Variants in RETREG1 observed in about 807,000 individuals in gnomAD.
RETREG1 encodes family with sequence similarity 134 member B.
RETREG1 carries 44 observed loss-of-function variants against 54.8 expected under a neutral mutation model. The observed-to-expected ratio is 0.80, with a 90% confidence interval of 0.63 to 1.03. The LOEUF (loss-of-function observed/expected upper bound fraction) is 1.03. Ranked by LOEUF, RETREG1 falls within the 50% of genes least tolerant of loss-of-function variation. The probability of loss-of-function intolerance (pLI) is 0.00; values close to 1 mark genes in which losing one functional copy is unlikely to be tolerated. For missense variants in RETREG1, 554 were observed against 605.1 expected, an observed-to-expected ratio of 0.92 and a Z score of 0.89; for synonymous variants, 217 against 238.5, an observed-to-expected ratio of 0.91 and a Z score of 0.83.
rs977247648 is a variant in RETREG1 at position 16,561,224 on chromosome 5, G to A, written c.458+4539C>T. Reference sequence around the variant, plus strand: ...CTATAAACGGTACTTCCCGCCGGGCGCAGTGGCTCACACCTGTAATCCCAG... The same window carrying A: ...CTATAAACGGTACTTCCCGCCGGGCACAGTGGCTCACACCTGTAATCCCAG... On this transcript the variant is annotated intron_variant, in intron 3 of 8. Transcript: ENST00000306320. The surrounding 1 kb of genome is among the most constrained non-coding windows in gnomAD (Gnocchi z 4.2). 1.4e-4 allele frequency among the ~76,000 whole-genome samples: 21 copies of A among 152,124 alleles called. 1 individual carries two copies. Among genetic ancestry groups the A allele is most frequent in the South Asian group, 4.1e-4 (2 of 4,830 alleles).
At chr5:16,488,637 T>G (rs114027457) in intron 3 of RETREG1, among the ~76,000 whole-genome samples, 7,314 of 152,182 alleles carry the variant, frequency 0.048, 207 homozygotes, top group Non-Finnish European at 0.06. Flanking sequence ...GAAGGAACAG[T>G]GTCTTTGGCC....
At chr5:16,583,943 A>G (rs1308366772) in intron 1 of RETREG1, among the ~76,000 whole-genome samples, 7 of 152,248 alleles carry the variant, frequency 4.6e-5, no homozygotes, top group African/African-American at 1.7e-4. Context: ...TTTTACTGAA[A>G]TATACATAAC....
intron 1 of RETREG1, among the ~76,000 whole-genome samples, chr5:16,579,921 G>C (rs2126319943): frequency 6.6e-6 from 1 of 152,298 alleles, no homozygotes. Context: ...ACATCCACGT[G>C]CAGGATTTTG....
intron 1 of RETREG1, among the ~76,000 whole-genome samples, chr5:16,613,488 G>A (rs1328795074): frequency 6.6e-6 from 1 of 152,118 alleles, no homozygotes; most frequent in African/African-American, 2.4e-5. Flanking sequence ...CTTAATTCAT[G>A]CAACTTTTAG....
At chr5:16,556,437 G>C (rs1741710984) in intron 3 of RETREG1, among the ~76,000 whole-genome samples, 1 of 152,086 alleles carries the variant, frequency 6.6e-6, no homozygotes, top group South Asian at 2.1e-4. Context: ...TGGAATTACA[G>C]GCGTGAGCTA....
chr5:16,513,145 G>C (rs1016950711), intron 3 of RETREG1, among the ~76,000 whole-genome samples: 2 of 152,162 alleles, frequency 1.3e-5, no homozygotes, highest in African/African-American at 4.8e-5. Context: ...GTCTGACTGG[G>C]TCAAATTAGA....
At chr5:16,584,527 G>C (rs565851553) in intron 1 of RETREG1, among the ~76,000 whole-genome samples, 1 of 152,050 alleles carries the variant, frequency 6.6e-6, no homozygotes, top group Admixed American at 6.6e-5. Flanking sequence ...AAAGGGTCTC[G>C]TAAGGCATAA....
At chr5:16,548,288 A>T (rs915033275) in intron 3 of RETREG1, among the ~76,000 whole-genome samples, 2 of 152,122 alleles carry the variant, frequency 1.3e-5, no homozygotes, top group African/African-American at 4.8e-5. Context: ...CCTCCTGGTT[A>T]TCAGCAGGTG....
intron 2 of RETREG1, among the ~76,000 whole-genome samples, chr5:16,569,384 G>A (rs78924909): frequency 6.6e-6 from 1 of 151,106 alleles, no homozygotes; most frequent in Non-Finnish European, 1.5e-5. Context: ...CTTGGACAAC[G>A]GCCTGATCTA....
chr5:16,532,124 T>G (rs1740935103), intron 3 of RETREG1, among the ~76,000 whole-genome samples: 2 of 152,226 alleles, frequency 1.3e-5, no homozygotes, highest in South Asian at 2.1e-4. Context: ...CCCAATGACA[T>G]CACATCTTAG....
intron 1 of RETREG1, among the ~76,000 whole-genome samples, chr5:16,600,158 G>C (rs904705043): frequency 6.6e-6 from 1 of 152,150 alleles, no homozygotes; most frequent in Non-Finnish European, 1.5e-5. Flanking sequence ...AGACCACCAA[G>C]CCCGGCTAAT....
At chr5:16,610,473 C>G (rs1743310588) in intron 1 of RETREG1, among the ~76,000 whole-genome samples, 1 of 152,178 alleles carries the variant, frequency 6.6e-6, no homozygotes, top group Non-Finnish European at 1.5e-5. Context: ...AACAGGCAAC[C>G]TACAGAATGG....
chr5:16,545,599 C>T (rs1426927538), intron 3 of RETREG1, among the ~76,000 whole-genome samples: 1 of 152,156 alleles, frequency 6.6e-6, no homozygotes, highest in East Asian at 1.9e-4. Flanking sequence ...GCAGCAGCAT[C>T]CACTATCCTC....
rs112990600 is a variant in RETREG1 at position 16,527,498 on chromosome 5, G to T, written c.458+38265C>A. Among the ~76,000 whole-genome samples the T allele has an allele frequency of 6.0e-3, 907 of 152,294 alleles. 13 individuals are homozygous for T. The highest frequency in any genetic ancestry group is 0.021 in the African/African-American group (860 of 41,560). ...GAATTTAGAAGTTCTGGGGAAGGAAGAATGGCTGAAATGGCATTAATGCTA... is the reference window on the plus strand; with the variant it reads ...GAATTTAGAAGTTCTGGGGAAGGAATAATGGCTGAAATGGCATTAATGCTA... On this transcript the variant is annotated intron_variant, in intron 3 of 8. Coordinates refer to ENST00000306320, the MANE Select transcript of RETREG1 (RefSeq NM_001034850.3).
At chr5:16,557,162 G>T (rs1741732939) in intron 3 of RETREG1, among the ~76,000 whole-genome samples, 1 of 152,168 alleles carries the variant, frequency 6.6e-6, no homozygotes, top group African/African-American at 2.4e-5. Context: ...TATATCCGTT[G>T]CTGTCCTGAA....
chr5:16,518,607 T>G (rs1740435815), intron 3 of RETREG1, among the ~76,000 whole-genome samples: 1 of 152,198 alleles, frequency 6.6e-6, no homozygotes, highest in African/African-American at 2.4e-5. Context: ...AAGGGGGTTG[T>G]AAGGAGACTT....
intron 3 of RETREG1, among the ~76,000 whole-genome samples, chr5:16,543,218 AATTT>A (rs1239400288): frequency 3.3e-5 from 5 of 152,248 alleles, no homozygotes; most frequent in African/African-American, 7.2e-5. Context: ...GATATACCAC[AATTT>A]ATTTATGCAC....
At chr5:16,591,335 A>T (rs1742767210) in intron 1 of RETREG1, among the ~76,000 whole-genome samples, 1 of 152,210 alleles carries the variant, frequency 6.6e-6, no homozygotes, top group African/African-American at 2.4e-5. Flanking sequence ...TCACTAAAAC[A>T]TAACAAGCCT....
intron 2 of RETREG1, among the ~76,000 whole-genome samples, chr5:16,567,966 TAAACAAAC>T (rs149579616): frequency 6.6e-6 from 1 of 151,412 alleles, no homozygotes; most frequent in Non-Finnish European, 1.5e-5. Flanking sequence ...ATTCTAAAAA[TAAACAAAC>T]AAACAAACAG....
Sources: gnomAD v4.1 joint callset for allele counts (sites outside exome capture counted in the v4.1 genomes callset) on GRCh38, gnomAD v4.1.1 for gene constraint, Gnocchi (gnomAD v3.1) non-coding constraint, MANE v1.5 for transcripts, NCBI Gene and HGNC (gene_info 2026-07-23, HGNC 2026-07-21) for gene names.